Variants in UNC5D observed in about 807,000 individuals in gnomAD.
UNC5D encodes the protein netrin receptor UNC5D.
A neutral mutation model predicts 105.4 loss-of-function variants in UNC5D; 39 were observed. The observed-to-expected ratio is 0.37, with a 90% confidence interval of 0.29 to 0.48. The LOEUF (loss-of-function observed/expected upper bound fraction) is 0.48, where lower values mean the gene tolerates loss of function less well. Ranked by LOEUF, UNC5D falls within the 20% of genes least tolerant of loss-of-function variation. The probability of loss-of-function intolerance (pLI) is 0.98; values close to 1 mark genes in which losing one functional copy is unlikely to be tolerated. For synonymous variants in UNC5D, 452 were observed against 450.4 expected, an observed-to-expected ratio of 1.00 and a Z score of -0.04; for missense variants, 991 against 1,202.4, an observed-to-expected ratio of 0.82 and a Z score of 2.60.
At chr8:35,688,021 A>G (rs994311731) in intron 7 of UNC5D, among the ~76,000 whole-genome samples, 3 of 152,024 alleles carry the variant, frequency 2.0e-5, no homozygotes, top group African/African-American at 7.3e-5. Context: ...AGTCCCAGCT[A>G]CTCGGGAGGT....
chr8:35,686,767 A>C, intron 7 of UNC5D, 58 bp downstream of exon 7: 30 of 1,502,096 alleles, frequency 2.0e-5, no homozygotes, highest in African/African-American at 2.9e-5. Context: ...TATGCATCTC[A>C]AGAAAGTAAG....
At chr8:35,420,679 G>A (rs1805840688) in intron 1 of UNC5D, among the ~76,000 whole-genome samples, 1 of 151,816 alleles carries the variant, frequency 6.6e-6, no homozygotes. Flanking sequence ...TATAGTTTAA[G>A]ATGTGAGTGA....
intron 1 of UNC5D, among the ~76,000 whole-genome samples, chr8:35,360,116 G>C (rs940226005): frequency 1.3e-5 from 2 of 152,066 alleles, no homozygotes; most frequent in African/African-American, 4.8e-5. Flanking sequence ...GTTTCTTCTA[G>C]AGGGTTTTTT....
chr8:35,696,282 ATTTTTT>A (rs755876112), intron 7 of UNC5D, among the ~76,000 whole-genome samples: 45 of 113,214 alleles, frequency 4.0e-4, no homozygotes, highest in African/African-American at 1.5e-3. Context: ...TCAATATTTA[ATTTTTT>A]TTTTTTTTTT....
intron 7 of UNC5D, among the ~76,000 whole-genome samples, chr8:35,705,290 A>T (rs1827498234): frequency 3.9e-5 from 6 of 152,098 alleles, no homozygotes; most frequent in Admixed American, 3.3e-4. Context: ...AATCCACCTT[A>T]TCTCATGGGT....
At chr8:35,449,684 G>C (rs983079798) in intron 1 of UNC5D, among the ~76,000 whole-genome samples, 1 of 152,018 alleles carries the variant, frequency 6.6e-6, no homozygotes, top group African/African-American at 2.4e-5. Context: ...CCCGTTTTAT[G>C]TCTTCCACCA....
chr8:35,503,900 C>G (rs1420442985), intron 1 of UNC5D, among the ~76,000 whole-genome samples: 1 of 152,116 alleles, frequency 6.6e-6, no homozygotes. Context: ...TAGCTGAGTG[C>G]CCGGCACAGT....
intron 1 of UNC5D, among the ~76,000 whole-genome samples, chr8:35,405,116 A>T (rs1210804919): frequency 1.3e-5 from 2 of 152,202 alleles, no homozygotes; most frequent in Admixed American, 1.3e-4. Flanking sequence ...GAGCTGTTAA[A>T]GCCAAGAATT....
chr8:35,305,737 T>C (rs1808352701), intron 1 of UNC5D, among the ~76,000 whole-genome samples: 1 of 150,278 alleles, frequency 6.7e-6, no homozygotes, highest in South Asian at 2.1e-4. Flanking sequence ...TTTCTCTTTC[T>C]TTCTCTCTTT....
intron 14 of UNC5D, among the ~76,000 whole-genome samples, chr8:35,763,288 G>GT (rs1801624920): frequency 2.0e-5 from 3 of 152,148 alleles, no homozygotes; most frequent in Non-Finnish European, 2.9e-5. Flanking sequence ...TTGTTTTATT[G>GT]TTTTTTGGTG....
intron 1 of UNC5D, among the ~76,000 whole-genome samples, chr8:35,298,593 T>G (rs1310450755): frequency 6.7e-6 from 1 of 149,290 alleles, no homozygotes. Flanking sequence ...TAGGTTTTTT[T>G]TTTTTTTTTT....
intron 16 of UNC5D, 101 bp from the exon 17 acceptor site, chr8:35,790,258 C>T: frequency 7.9e-7 from 1 of 1,269,876 alleles, no homozygotes; most frequent in Non-Finnish European, 1.1e-6. Flanking sequence ...ACTATAATAA[C>T]ATCTATTAAA....
At chr8:35,759,206 C>T in intron 13 of UNC5D, 114 bp from the exon 14 acceptor site, 1 of 1,182,594 alleles carries the variant, frequency 8.5e-7, no homozygotes, top group Non-Finnish European at 1.2e-6. Context: ...CTCCTATGCT[C>T]TCTGTCCATT....
At chr8:35,628,006 C>A (rs1821795577) in intron 4 of UNC5D, among the ~76,000 whole-genome samples, 1 of 152,104 alleles carries the variant, frequency 6.6e-6, no homozygotes, top group African/African-American at 2.4e-5. Flanking sequence ...GTTGAGGGAA[C>A]AAGGTGTGCA....
intron 1 of UNC5D, among the ~76,000 whole-genome samples, chr8:35,253,940 A>G (rs548801971): frequency 7.2e-5 from 11 of 152,288 alleles, no homozygotes; most frequent in African/African-American, 2.6e-4. Context: ...ATGTTCTTCA[A>G]AAGAGTTCCT....
chr8:35,565,366 G>T (rs1199060416), intron 2 of UNC5D, among the ~76,000 whole-genome samples: 2 of 151,882 alleles, frequency 1.3e-5, no homozygotes, highest in Non-Finnish European at 2.9e-5. Flanking sequence ...TTCTATCTTT[G>T]TTGGATACTT....
chr8:35,416,590 T>C (rs1030436868), intron 1 of UNC5D, among the ~76,000 whole-genome samples: 6 of 152,216 alleles, frequency 3.9e-5, no homozygotes, highest in African/African-American at 1.4e-4. Flanking sequence ...AAAATACAGG[T>C]GGCCTTCCTG....
intron 4 of UNC5D, among the ~76,000 whole-genome samples, chr8:35,664,702 C>G (rs1824318579): frequency 6.6e-6 from 1 of 152,034 alleles, no homozygotes; most frequent in Non-Finnish European, 1.5e-5. Flanking sequence ...TTAAAAGTTT[C>G]CCACATTACC....
intron 1 of UNC5D, among the ~76,000 whole-genome samples, chr8:35,307,135 CA>C (rs1157458511): frequency 1.3e-5 from 2 of 151,754 alleles, no homozygotes; most frequent in African/African-American, 4.8e-5. Context: ...AAAAAAATTA[CA>C]AAAAATCTCA....
Sources: allele counts gnomAD v4.1 joint callset (sites outside exome capture counted in the v4.1 genomes callset), GRCh38; gene constraint gnomAD v4.1.1; transcripts MANE v1.5; gene names NCBI Gene and HGNC (gene_info 2026-07-23, HGNC 2026-07-21).